C11orf65: variants seen among roughly 807,000 people sequenced by gnomAD.
C11orf65 encodes protein MFI.
C11orf65 carries 38 observed loss-of-function variants against 35.3 expected under a neutral mutation model. That is an observed-to-expected ratio of 1.08 (90% CI 0.83 to 1.41). The LOEUF is 1.41. Among genes scored for constraint, C11orf65 ranks in the 40% most tolerant of loss-of-function variants. C11orf65 has a pLI of 0.00. For missense variants in C11orf65, 370 were observed against 367.1 expected (o/e 1.01, Z -0.06); for synonymous variants, 105 against 114.4 (o/e 0.92, Z 0.53).
At chr11:108,444,495 G>A (rs544355072) in intron 2 of C11orf65, among the ~76,000 whole-genome samples, 2 of 152,110 alleles carry the variant, frequency 1.3e-5, no homozygotes, top group Non-Finnish European at 2.9e-5. Flanking sequence ...TGACACCAAA[G>A]CCTGGCAGAG....
chr11:108,367,712 C>T (rs1000865352), intron 2 of C11orf65: 5 of 216,562 alleles, frequency 2.3e-5, no homozygotes, highest in Non-Finnish European at 3.7e-5. Context: ...TTGATCTCCT[C>T]ACCTTCCCCT....
At chr11:108,463,795 T>C (rs1392377502) in intron 1 of C11orf65, among the ~76,000 whole-genome samples, 6 of 152,204 alleles carry the variant, frequency 3.9e-5, no homozygotes. Context: ...AAATAAAAAC[T>C]ATTCATGTGC....
chr11:108,427,235 A>T (rs1373950833), intron 3 of C11orf65, among the ~76,000 whole-genome samples: 1 of 152,048 alleles, frequency 6.6e-6, no homozygotes, highest in African/African-American at 2.4e-5. Flanking sequence ...AGAAACTATC[A>T]TCAGAATGAA....
At chr11:108,357,568 G>A in intron 2 of C11orf65, among the ~76,000 whole-genome samples, 1 of 152,198 alleles carries the variant, frequency 6.6e-6, no homozygotes, top group Non-Finnish European at 1.5e-5. Context: ...GAAGAGAGTA[G>A]TGGTTCTCCC....
rs549385637 is a variant in C11orf65 at position 108,399,888 on chromosome 11, A to G, written c.560+5541T>C. 3.9e-5 allele frequency among the ~76,000 whole-genome samples: 6 copies of G among 152,350 alleles called. 1 individual carries two copies. In the South Asian group the frequency reaches 1.2e-3, roughly 32 times the overall value. Reference sequence around the variant, plus strand: ...TGGAACAGATTTTCAAATGGAATATAGCTTCTGGCAGAAGAAGGAATTCAC... The same window carrying G: ...TGGAACAGATTTTCAAATGGAATATGGCTTCTGGCAGAAGAAGGAATTCAC... On this transcript the variant is annotated intron_variant, in intron 6 of 8. Transcript: ENST00000393084.
chr11:108,329,166 A>G (rs786203311), downstream of C11orf65: 14 of 1,614,094 alleles, frequency 8.7e-6, no homozygotes, highest in Middle Eastern at 1.7e-4. Context: ...GAATTTGAAA[A>G]CAAGCAAGCT....
chr11:108,455,576 G>C (rs947721587), intron 2 of C11orf65, among the ~76,000 whole-genome samples: 5 of 152,102 alleles, frequency 3.3e-5, no homozygotes, highest in South Asian at 2.1e-4. Flanking sequence ...CCAGCACTTT[G>C]GGAGGTCGAG....
intron 2 of C11orf65, chr11:108,354,023 C>T: frequency 2.8e-6 from 2 of 709,916 alleles, no homozygotes; most frequent in Non-Finnish European, 2.5e-6. Context: ...TGAGTCCAGC[C>T]TAGGCAATAC....
chr11:108,447,447 G>A (rs536457274), intron 2 of C11orf65, among the ~76,000 whole-genome samples: 1 of 152,210 alleles, frequency 6.6e-6, no homozygotes, highest in South Asian at 2.1e-4. Context: ...TCAGACCACA[G>A]TGACATCAAA....
intron 6 of C11orf65, among the ~76,000 whole-genome samples, chr11:108,404,467 G>T (rs1218679465): frequency 6.6e-6 from 1 of 152,102 alleles, no homozygotes; most frequent in African/African-American, 2.4e-5. Flanking sequence ...GAGTGCAGTG[G>T]TGCGATCTCT....
chr11:108,358,406 C>G (rs1424859179), intron 2 of C11orf65, among the ~76,000 whole-genome samples: 1 of 149,468 alleles, frequency 6.7e-6, no homozygotes, highest in Non-Finnish European at 1.5e-5. Context: ...CCCAATCTAG[C>G]AAGGCAGGCC....
chr11:108,442,645 G>A (rs913386590), intron 2 of C11orf65, among the ~76,000 whole-genome samples: 19 of 152,172 alleles, frequency 1.2e-4, no homozygotes, highest in Non-Finnish European at 2.5e-4. Context: ...AACTCTACAA[G>A]CCAGAAGACA....
chr11:108,461,977 AAT>A (rs1486154786), intron 1 of C11orf65, among the ~76,000 whole-genome samples: 6 of 152,176 alleles, frequency 3.9e-5, no homozygotes, highest in African/African-American at 1.2e-4. Flanking sequence ...ATGAAAATTA[AAT>A]AGAGTTGTAT....
At chr11:108,374,308 G>C (rs1025215113) in intron 2 of C11orf65, among the ~76,000 whole-genome samples, 2 of 152,198 alleles carry the variant, frequency 1.3e-5, no homozygotes, top group Non-Finnish European at 2.9e-5. Flanking sequence ...GGAACGATCA[G>C]ACAGCAGCAT....
At chr11:108,411,863 C>T (rs1419570009) in intron 3 of C11orf65, among the ~76,000 whole-genome samples, 6 of 151,412 alleles carry the variant, frequency 4.0e-5, no homozygotes, top group Admixed American at 1.3e-4. Context: ...TCTCAGCTCA[C>T]GCAACCTCCA....
At chr11:108,371,216 T>C (rs946086510) in intron 2 of C11orf65, among the ~76,000 whole-genome samples, 7 of 152,116 alleles carry the variant, frequency 4.6e-5, no homozygotes, top group Non-Finnish European at 1.0e-4. Flanking sequence ...ATACTACTAA[T>C]GGTGAGTCAC....
intron 2 of C11orf65, among the ~76,000 whole-genome samples, chr11:108,360,628 A>C (rs1247874791): frequency 6.7e-6 from 1 of 150,100 alleles, no homozygotes; most frequent in African/African-American, 2.5e-5. Flanking sequence ...CCTGGGATTC[A>C]AGGCTGGTTC....
At chr11:108,360,281 A>G (rs899694053) in intron 2 of C11orf65, among the ~76,000 whole-genome samples, 3 of 152,020 alleles carry the variant, frequency 2.0e-5, no homozygotes, top group African/African-American at 7.2e-5. Context: ...CAGTAACAGG[A>G]GCTGAAATTG....
chr11:108,427,555 T>TAA (rs1461478901), intron 3 of C11orf65, among the ~76,000 whole-genome samples: 1 of 147,400 alleles, frequency 6.8e-6, no homozygotes, highest in African/African-American at 2.5e-5. Flanking sequence ...CCGTCTCTAC[T>TAA]AAAAAAAAAT....
Sources: gnomAD v4.1 joint callset for allele counts (sites outside exome capture counted in the v4.1 genomes callset) on GRCh38, gnomAD v4.1.1 for gene constraint, MANE v1.5 for transcripts, NCBI Gene and HGNC (gene_info 2026-07-23, HGNC 2026-07-21) for gene names.